The following OCM variants were observed in gnomAD, a reference collection of about 807,000 sequenced individuals.
OCM encodes the protein oncomodulin.
A neutral mutation model predicts 14.1 loss-of-function variants in OCM; 18 were observed. That is an observed-to-expected ratio of 1.28 (90% CI 0.88 to 1.89). The LOEUF (loss-of-function observed/expected upper bound fraction) is 1.89, where lower values mean the gene tolerates loss of function less well. OCM is among the 40% of genes most tolerant of loss of function. OCM has a pLI of 0.00. For missense variants in OCM, 140 were observed against 137.6 expected (o/e 1.02, Z -0.09); for synonymous variants, 48 against 51.0 (o/e 0.94, Z 0.25).
upstream of OCM, among the ~76,000 whole-genome samples, chr7:5,876,256 G>A (rs1256533197): frequency 2.0e-5 from 3 of 152,072 alleles, no homozygotes; most frequent in Admixed American, 6.6e-5. Context: ...CACGTGCCTC[G>A]GCCTCCCAAA....
At chr7:5,876,482 T>C (rs555243811), upstream of OCM, among the ~76,000 whole-genome samples, 1 of 152,200 alleles carries the variant, frequency 6.6e-6, no homozygotes, top group South Asian at 2.1e-4. Context: ...CTGGGCGAGG[T>C]GATGCTGGTT....
chr7:5,866,571 T>A, the OCM span, among the ~76,000 whole-genome samples: 1 of 152,126 alleles, frequency 6.6e-6, no homozygotes, highest in Non-Finnish European at 1.5e-5. Context: ...AGTGAAAATT[T>A]CGTTGACTTA....
At chr7:5,878,044 C>A (rs1159765382), upstream of OCM, among the ~76,000 whole-genome samples, 1 of 149,892 alleles carries the variant, frequency 6.7e-6, no homozygotes, top group Middle Eastern at 3.5e-3. Context: ...GATCTCGGCT[C>A]ACTGCAACCT....
the OCM span, among the ~76,000 whole-genome samples, chr7:5,865,536 C>T: frequency 6.6e-6 from 1 of 152,088 alleles, no homozygotes; most frequent in Non-Finnish European, 1.5e-5. Context: ...TGGTGGCCAT[C>T]CCATTCCCAT....
the OCM span, among the ~76,000 whole-genome samples, chr7:5,865,104 TGACCCAGTCACCC>T: frequency 1.0e-3 from 158 of 152,314 alleles, no homozygotes; most frequent in African/African-American, 3.7e-3. Context: ...GTTGTCATCA[TGACCCAGTCACCC>T]GATCCAGTCA....
chr7:5,864,068 T>C, the OCM span, among the ~76,000 whole-genome samples: 2 of 151,930 alleles, frequency 1.3e-5, no homozygotes, highest in Non-Finnish European at 2.9e-5. Context: ...GGCCAGGTGC[T>C]GTGGCTCACA....
At chr7:5,877,119 TC>T (rs1781110557), upstream of OCM, among the ~76,000 whole-genome samples, 2 of 152,112 alleles carry the variant, frequency 1.3e-5, no homozygotes, top group South Asian at 4.1e-4. Flanking sequence ...ACTGTCTACT[TC>T]TAAGCCACTG....
the OCM span, among the ~76,000 whole-genome samples, chr7:5,874,494 C>A: frequency 2.0e-5 from 3 of 151,864 alleles, no homozygotes; most frequent in African/African-American, 4.8e-5. Context: ...AATTTACCAT[C>A]TTAATAATTT....
the OCM span, among the ~76,000 whole-genome samples, chr7:5,860,825 TAC>T: frequency 4.9e-5 from 7 of 142,318 alleles, no homozygotes; most frequent in African/African-American, 7.5e-5. Flanking sequence ...TACATATATA[TAC>T]ACACACACAT....
At chr7:5,875,893 TG>T (rs1781086091), upstream of OCM, among the ~76,000 whole-genome samples, 1 of 151,818 alleles carries the variant, frequency 6.6e-6, no homozygotes, top group Admixed American at 6.6e-5. Context: ...TGGAGTGCAG[TG>T]GTGCAATTGT....
At chr7:5,877,008 GTGGGTC>G (rs1781108880), upstream of OCM, among the ~76,000 whole-genome samples, 1 of 152,086 alleles carries the variant, frequency 6.6e-6, no homozygotes, top group African/African-American at 2.4e-5. Flanking sequence ...GTTTCTCCAC[GTGGGTC>G]AGGCTGGTCT....
At chr7:5,885,938 G>A in intron 3 of OCM, 126 bp from the exon 4 acceptor site, 2 of 816,656 alleles carry the variant, frequency 2.4e-6, no homozygotes, top group Admixed American at 2.3e-5. Flanking sequence ...CCCTCCAAGG[G>A]GGCCATGCCC....
At chr7:5,877,707 C>G (rs971708235), upstream of OCM, among the ~76,000 whole-genome samples, 5 of 149,248 alleles carry the variant, frequency 3.4e-5, no homozygotes, top group African/African-American at 1.2e-4. Flanking sequence ...GTAATCCCAG[C>G]TACTTGGGAG....
the OCM span, among the ~76,000 whole-genome samples, chr7:5,864,662 T>G: frequency 6.6e-6 from 1 of 152,070 alleles, no homozygotes; most frequent in Non-Finnish European, 1.5e-5. Flanking sequence ...CTCATTAGAA[T>G]AAATCAAATA....
chr7:5,876,955 G>A (rs754949954), upstream of OCM, among the ~76,000 whole-genome samples: 8 of 152,096 alleles, frequency 5.3e-5, no homozygotes, highest in African/African-American at 1.4e-4. Context: ...ACAGGCATGC[G>A]CCACCATGCT....
chr7:5,861,608 A>G, the OCM span, among the ~76,000 whole-genome samples: 69 of 152,236 alleles, frequency 4.5e-4, 1 homozygote, highest in Admixed American at 2.2e-3. Context: ...TATTCAGAGG[A>G]AAGTGAGTTT....
chr7:5,869,025 T>C, the OCM span, among the ~76,000 whole-genome samples: 3 of 152,088 alleles, frequency 2.0e-5, no homozygotes, highest in African/African-American at 7.2e-5. Flanking sequence ...ATCGCGCCAT[T>C]GTACTCCAGC....
At chr7:5,864,144 A>C in the OCM span, among the ~76,000 whole-genome samples, 7 of 152,040 alleles carry the variant, frequency 4.6e-5, no homozygotes, top group African/African-American at 1.7e-4. Context: ...GTGCAAGACC[A>C]GCCTGGGCAA....
chr7:5,882,257 G>A (rs566608126), intron 1 of OCM, among the ~76,000 whole-genome samples: 1 of 152,100 alleles, frequency 6.6e-6, no homozygotes, highest in African/African-American at 2.4e-5. Flanking sequence ...AGATGAGGAG[G>A]GAAAAGGAAA....
Sources: allele counts gnomAD v4.1 joint callset (sites outside exome capture counted in the v4.1 genomes callset), GRCh38; gene constraint gnomAD v4.1.1; transcripts MANE v1.5; gene names NCBI Gene and HGNC (gene_info 2026-07-23, HGNC 2026-07-21).